THSD4: variants seen among roughly 807,000 people sequenced by gnomAD.
The protein encoded by THSD4 is thrombospondin type 1 domain containing 4, also known as thrombospondin type-1 domain-containing protein 4.
A neutral mutation model predicts 119.0 loss-of-function variants in THSD4; 69 were observed. The ratio of observed to expected loss-of-function variants is 0.58; its 90% confidence interval spans 0.48 to 0.71. The LOEUF is 0.71. Among genes scored for constraint, THSD4 ranks in the 30% least tolerant of loss-of-function variants. The pLI is 0.00. For synonymous variants in THSD4, 524 were observed against 540.4 expected (o/e 0.97, Z 0.42); for missense variants, 1,393 against 1,391.1 (o/e 1.00, Z -0.02).
At chr15:71,660,788 T>C (rs893421958) in intron 8 of THSD4, 54 bp downstream of exon 8, 4 of 1,598,264 alleles carry the variant, frequency 2.5e-6, no homozygotes, top group Non-Finnish European at 3.4e-6. Flanking sequence ...GATGATGTAT[T>C]CCTTCAGAAC....
At chr15:71,447,118 G>GTTTTTTTTTTTTTT (rs1555414736) in intron 7 of THSD4, among the ~76,000 whole-genome samples, 2 of 76,068 alleles carry the variant, frequency 2.6e-5, no homozygotes, top group Non-Finnish European at 2.6e-5. Flanking sequence ...CATTTTTTTT[G>GTTTTTTTTTTTTTT]TTTTTTTTTT....
In THSD4 at chr15:71,352,713, A is replaced by G. The variant is rs192002241; in HGVS notation, c.1016-58974A>G. On this transcript the variant is annotated intron_variant, in intron 6 of 17. Coordinates refer to ENST00000261862, the MANE Select transcript of THSD4 (RefSeq NM_024817.3). ...AGAGATACCAGGGGAAAAGAAATGA[A>G]TAATTGTAACACAGTGTCCTGTGTG... Among the ~76,000 whole-genome samples the G allele has an allele frequency of 1.7e-4, 26 of 152,348 alleles. No individual in the cohort carries two copies. In the East Asian group the frequency reaches 5.0e-3, roughly 29 times the overall value.
intron 7 of THSD4, among the ~76,000 whole-genome samples, chr15:71,623,347 C>A (rs1250203287): frequency 6.6e-6 from 1 of 152,174 alleles, no homozygotes; most frequent in Non-Finnish European, 1.5e-5. Context: ...ACTCTTTAAT[C>A]ATCACAATAG....
chr15:71,562,854 C>A (rs1311417339), intron 7 of THSD4, among the ~76,000 whole-genome samples: 2 of 152,104 alleles, frequency 1.3e-5, no homozygotes, highest in Non-Finnish European at 2.9e-5. Flanking sequence ...AGGCATGTGC[C>A]ACCATGCTCG....
At chr15:71,207,729 G>C (rs1380559369) in intron 3 of THSD4, among the ~76,000 whole-genome samples, 1 of 152,138 alleles carries the variant, frequency 6.6e-6, no homozygotes, top group East Asian at 1.9e-4. Flanking sequence ...GCATGTGAGG[G>C]ATCTAGGTTG....
intron 4 of THSD4, among the ~76,000 whole-genome samples, chr15:71,239,541 G>T (rs2044134996): frequency 6.6e-6 from 1 of 152,204 alleles, no homozygotes; most frequent in African/African-American, 2.4e-5. Context: ...TCTGCAAACT[G>T]TGCCTTTTCC....
intron 6 of THSD4, among the ~76,000 whole-genome samples, chr15:71,303,681 T>C (rs1181447288): frequency 6.6e-6 from 1 of 152,198 alleles, no homozygotes; most frequent in Non-Finnish European, 1.5e-5. Context: ...CTCTAGGTGG[T>C]ACCTCCTTAT....
chr15:71,129,717 A>G (rs2040485934), intron 1 of THSD4, among the ~76,000 whole-genome samples: 1 of 152,110 alleles, frequency 6.6e-6, no homozygotes, highest in Non-Finnish European at 1.5e-5. Context: ...CTAATTTGCT[A>G]GGTTTCTCCC....
intron 7 of THSD4, among the ~76,000 whole-genome samples, chr15:71,518,527 T>G (rs557509566): frequency 6.6e-6 from 1 of 152,296 alleles, no homozygotes; most frequent in South Asian, 2.1e-4. Flanking sequence ...TTAGTAAAGT[T>G]TTAAGGTTTA....
In THSD4 at chr15:71,115,955, C is replaced by T. The variant is rs937386306; in HGVS notation, c.-80+257C>T. Among the ~76,000 whole-genome samples, 2 of 152,166 alleles carry T rather than the reference C, an allele frequency of 1.3e-5. No individual in the cohort carries two copies. Among genetic ancestry groups the T allele is most frequent in the African/African-American group, 2.4e-5 (1 of 41,446 alleles). On this transcript the variant is annotated intron_variant, in intron 1 of 17. Coordinates refer to ENST00000261862, the MANE Select transcript of THSD4 (RefSeq NM_024817.3). The surrounding 1 kb of genome is among the most constrained non-coding windows in gnomAD (Gnocchi z 4.4). ...TGGGAGTCTTGCTCTGTGCTGGCGC[C>T]GGCGCTCATCCCTCCACCCTCGACT...
chr15:71,654,921 C>G (rs2140986627), intron 7 of THSD4, among the ~76,000 whole-genome samples: 1 of 152,262 alleles, frequency 6.6e-6, no homozygotes, highest in East Asian at 1.9e-4. Context: ...CTGGCACCAG[C>G]CTACCCTGCT....
chr15:71,447,533 A>T (rs888023915), intron 7 of THSD4, among the ~76,000 whole-genome samples: 37 of 152,306 alleles, frequency 2.4e-4, no homozygotes, highest in Admixed American at 2.2e-3. Context: ...CCTTCTGACA[A>T]GTTAATACAG....
intron 7 of THSD4, among the ~76,000 whole-genome samples, chr15:71,632,911 C>T (rs1038666328): frequency 1.1e-4 from 16 of 152,222 alleles, no homozygotes; most frequent in African/African-American, 3.9e-4. Flanking sequence ...GTTCTTTCAG[C>T]TCTTGTCTGA....
chr15:71,610,505 GACTGCCCTTTCAGAAA>G (rs1211798626), intron 7 of THSD4, among the ~76,000 whole-genome samples: 1 of 152,156 alleles, frequency 6.6e-6, no homozygotes, highest in African/African-American at 2.4e-5. Context: ...TAACAAAGGG[GACTGCCCTTTCAGAAA>G]CAGTCTGTCC....
At chr15:71,667,973 G>A (rs12899513) in intron 8 of THSD4, among the ~76,000 whole-genome samples, 87,080 of 151,910 alleles carry the variant, frequency 0.57, 26,103 homozygotes, top group Non-Finnish European at 0.66. Flanking sequence ...TTTGCAATTT[G>A]TGTCCTTATT....
intron 7 of THSD4, among the ~76,000 whole-genome samples, chr15:71,440,381 C>T (rs1220879946): frequency 6.6e-6 from 1 of 152,116 alleles, no homozygotes; most frequent in Non-Finnish European, 1.5e-5. Context: ...TTCACACATA[C>T]AATATGAAAT....
chr15:71,499,320 A>G (rs558296130), intron 7 of THSD4, among the ~76,000 whole-genome samples: 1 of 152,130 alleles, frequency 6.6e-6, no homozygotes, highest in African/African-American at 2.4e-5. Context: ...CTGACTACCC[A>G]AGGAGCAGCA....
intron 7 of THSD4, among the ~76,000 whole-genome samples, chr15:71,657,991 A>G (rs1343841141): frequency 6.6e-6 from 1 of 152,164 alleles, no homozygotes; most frequent in Non-Finnish European, 1.5e-5. Context: ...TAATGTGATT[A>G]ATGTGACGTC....
intron 6 of THSD4, among the ~76,000 whole-genome samples, chr15:71,312,771 C>T (rs375561284): frequency 2.6e-5 from 4 of 152,208 alleles, no homozygotes; most frequent in East Asian, 3.9e-4. Flanking sequence ...CCCACAGGAC[C>T]TTTGCACTTG....
Sources: allele counts gnomAD v4.1 joint callset (sites outside exome capture counted in the v4.1 genomes callset), GRCh38; gene constraint gnomAD v4.1.1; non-coding constraint Gnocchi (gnomAD v3.1); transcripts MANE v1.5; gene names NCBI Gene and HGNC (gene_info 2026-07-23, HGNC 2026-07-21).